Variants in KHDRBS2 observed in about 807,000 individuals in gnomAD.
KHDRBS2 encodes the protein KH RNA binding domain containing, signal transduction associated 2, also known as KH domain-containing, RNA-binding, signal transduction-associated protein 2.
Under a neutral mutation model 44.3 loss-of-function variants are expected in KHDRBS2, and 26 were observed. The observed-to-expected ratio is 0.59, with a 90% CI of 0.43 to 0.81. The LOEUF (loss-of-function observed/expected upper bound fraction) is 0.81. Among genes scored for constraint, KHDRBS2 ranks in the 40% least tolerant of loss-of-function variants. The probability of loss-of-function intolerance (pLI) is 0.00; values close to 1 mark genes in which losing one functional copy is unlikely to be tolerated. For missense variants in KHDRBS2, 476 were observed against 433.1 expected (o/e 1.10, Z -0.88); for synonymous variants, 194 against 151.1 (o/e 1.28, Z -2.08).
chr6:61,572,443 G>T, the KHDRBS2 span, among the ~76,000 whole-genome samples: 1 of 151,874 alleles, frequency 6.6e-6, no homozygotes, highest in Admixed American at 6.6e-5. Flanking sequence ...AAGATAAAGA[G>T]GGAATCTCCC....
chr6:62,063,588 G>A (rs888143237), intron 2 of KHDRBS2, among the ~76,000 whole-genome samples: 12 of 151,588 alleles, frequency 7.9e-5, no homozygotes, highest in African/African-American at 2.4e-4. Flanking sequence ...AACCCTTCAT[G>A]ATAAAAACTC....
At chr6:61,675,127 T>A (rs1335236893), downstream of KHDRBS2, among the ~76,000 whole-genome samples, 2 of 151,798 alleles carry the variant, frequency 1.3e-5, no homozygotes, top group Non-Finnish European at 2.9e-5. Flanking sequence ...ATCAAACACT[T>A]GGTCTTATTT....
intron 4 of KHDRBS2, among the ~76,000 whole-genome samples, chr6:61,938,463 G>A (rs927189092): frequency 6.6e-6 from 1 of 152,068 alleles, no homozygotes; most frequent in Non-Finnish European, 1.5e-5. Context: ...CAACCACATT[G>A]GAGAGTAAAT....
chr6:61,609,975 C>T, the KHDRBS2 span, among the ~76,000 whole-genome samples: 1 of 152,052 alleles, frequency 6.6e-6, no homozygotes, highest in African/African-American at 2.4e-5. Flanking sequence ...AGATAGATAC[C>T]AACCTGGCTA....
At chr6:61,582,136 A>G in the KHDRBS2 span, among the ~76,000 whole-genome samples, 44 of 151,984 alleles carry the variant, frequency 2.9e-4, no homozygotes, top group African/African-American at 9.9e-4. Context: ...TATTAAAAGT[A>G]AAAGTGAAAA....
rs373201378 is a variant in KHDRBS2, at chr6:62,285,915, C to T, written c.34G>A (p.Ala12Thr). The T allele has an allele frequency of 3.1e-6, 5 of 1,613,426 alleles. No individual in the cohort carries two copies. The highest frequency in any genetic ancestry group is 1.1e-5 in the South Asian group (1 of 90,992). ...EEEKYLPELM[A>T]EKDSLDPSFV... is the part of the protein sequence containing the mutation. ...GATGGATCCAGGCTATCTTTCTCTGCCATCAGCTCAGGCAAATATTTCTCC... is the reference window on the plus strand; with the variant it reads ...GATGGATCCAGGCTATCTTTCTCTGTCATCAGCTCAGGCAAATATTTCTCC... Residue 12 changes from alanine to threonine, a missense_variant, in exon 1 of 9, where the codon GCA (alanine) becomes ACA (threonine). Physicochemically the swap from Ala to Thr is moderately conservative, Grantham distance 58. Transcript: ENST00000281156.
At chr6:62,182,079 A>G (rs2150126097) in intron 1 of KHDRBS2, among the ~76,000 whole-genome samples, 1 of 152,194 alleles carries the variant, frequency 6.6e-6, no homozygotes, top group East Asian at 1.9e-4. Flanking sequence ...AGCCCCCACC[A>G]GAAACCAAAC....
At position 61,869,093 on chromosome 6, in the gene KHDRBS2, G is replaced by A. The variant is rs577485617; in HGVS notation, c.810+25542C>T. Among the ~76,000 whole-genome samples the A allele has an allele frequency of 2.4e-4, 37 of 152,256 alleles. 1 individual carries two copies. The highest frequency in any genetic ancestry group is 2.2e-3 in the Admixed American group (33 of 15,304). ...CTTGGCTGGGGAGGGGGGTTCCCTT[G>A]CGTCCACATTACTCCTGGGAAGCCC... On this transcript the variant is annotated intron_variant, in intron 6 of 8. Coordinates refer to ENST00000281156, the MANE Select transcript of KHDRBS2 (RefSeq NM_152688.4).
intron 2 of KHDRBS2, among the ~76,000 whole-genome samples, chr6:62,133,897 T>A (rs567528921): frequency 2.0e-5 from 3 of 152,186 alleles, no homozygotes; most frequent in Admixed American, 2.0e-4. Flanking sequence ...GTGGAAGAAA[T>A]TTCTAAAAAG....
At chr6:61,733,154 A>G (rs1163676592) in intron 6 of KHDRBS2, among the ~76,000 whole-genome samples, 3 of 152,180 alleles carry the variant, frequency 2.0e-5, no homozygotes, top group Admixed American at 6.6e-5. Context: ...TCTCCTTTTA[A>G]TAATCATAAT....
At chr6:62,083,416 C>A (rs1296628076) in intron 2 of KHDRBS2, among the ~76,000 whole-genome samples, 2 of 152,186 alleles carry the variant, frequency 1.3e-5, no homozygotes, top group East Asian at 3.8e-4. Flanking sequence ...ATTTGTGCAA[C>A]CTGATTCCTC....
chr6:61,696,324 C>A (rs1767900427), intron 8 of KHDRBS2, among the ~76,000 whole-genome samples: 1 of 151,852 alleles, frequency 6.6e-6, no homozygotes, highest in South Asian at 2.1e-4. Flanking sequence ...GGCACGATCT[C>A]GGCTCACTGC....
intron 6 of KHDRBS2, among the ~76,000 whole-genome samples, chr6:61,878,805 C>T (rs1799809932): frequency 6.6e-6 from 1 of 151,972 alleles, no homozygotes; most frequent in Non-Finnish European, 1.5e-5. Context: ...ACTGGCTAGG[C>T]AACTTTGAGC....
intron 2 of KHDRBS2, among the ~76,000 whole-genome samples, chr6:62,105,339 C>T (rs917090553): frequency 1.3e-5 from 2 of 152,150 alleles, no homozygotes; most frequent in Admixed American, 6.5e-5. Context: ...CCCTTATGAA[C>T]ATAAATTCAA....
chr6:62,053,443 GTTTTA>G (rs1343770900), intron 2 of KHDRBS2, among the ~76,000 whole-genome samples: 1 of 151,860 alleles, frequency 6.6e-6, no homozygotes, highest in Non-Finnish European at 1.5e-5. Context: ...TCATGATTGA[GTTTTA>G]TTTATCATAG....
At chr6:61,561,309 G>A in the KHDRBS2 span, among the ~76,000 whole-genome samples, 1 of 152,136 alleles carries the variant, frequency 6.6e-6, no homozygotes, top group Non-Finnish European at 1.5e-5. Context: ...ACTCCACTGA[G>A]TCAGACCTGA....
the KHDRBS2 span, among the ~76,000 whole-genome samples, chr6:61,573,291 A>G: frequency 1.3e-5 from 2 of 152,234 alleles, no homozygotes; most frequent in Non-Finnish European, 2.9e-5. Flanking sequence ...AAGGAAAACT[A>G]CAAAACACTG....
rs1378254345 is a variant in KHDRBS2 at position 61,978,224 on chromosome 6, G to T, written c.337-12C>A. 3 of 1,594,242 alleles carry T rather than the reference G, an allele frequency of 1.9e-6. No homozygotes were observed. Among genetic ancestry groups the T allele is most frequent in the East Asian group, 2.2e-5 (1 of 44,558 alleles). ...CTTAGTTCTTCTTCCTGTGAAAAAG[G>T]TTATTTTTAGAAATACAAATCCACT... is the stretch of plus-strand genomic sequence containing the variant. On this transcript the variant is annotated splice_polypyrimidine_tract_variant and intron_variant, in intron 3 of 8. Transcript: ENST00000281156.
chr6:61,601,209 G>A, the KHDRBS2 span, among the ~76,000 whole-genome samples: 29 of 151,914 alleles, frequency 1.9e-4, no homozygotes, highest in African/African-American at 6.8e-4. Context: ...ACTTTCCTGG[G>A]GGGCAAGCAT....
Sources: gnomAD v4.1 joint callset for allele counts (sites outside exome capture counted in the v4.1 genomes callset) on GRCh38, gnomAD v4.1.1 for gene constraint, MANE v1.5 for transcripts, NCBI Gene and HGNC (gene_info 2026-07-23, HGNC 2026-07-21) for gene names.